The following GTF3C2 variants were observed in gnomAD, a reference collection of about 807,000 sequenced individuals.
GTF3C2 encodes the protein general transcription factor 3C polypeptide 2.
GTF3C2 carries 17 observed loss-of-function variants against 117.4 expected under a neutral mutation model. That is an observed-to-expected ratio of 0.14 (90% confidence interval 0.10 to 0.22). The LOEUF (loss-of-function observed/expected upper bound fraction) is 0.22. GTF3C2 is among the 10% of genes least tolerant of loss of function. GTF3C2 has a pLI of 1.00. For missense variants in GTF3C2, 888 were observed against 1,143.6 expected (o/e 0.78, Z 3.22); for synonymous variants, 437 against 427.0 (o/e 1.02, Z -0.29).
chr2:27,326,729 G>C lies in GTF3C2; in HGVS notation c.2682C>G (p.Pro894=), dbSNP rs377223288. Residue 894 remains proline, a synonymous_variant, in exon 19 of 19, where the codon CCC becomes CCG. Coordinates refer to ENST00000264720, the Ensembl canonical transcript of GTF3C2. Reference sequence around the variant, plus strand: ...TTGGAGAGAAGCCAGGCCGTCTAGTGGGGGAGGATGGTTGGAACATAGCAT... The same window carrying C: ...TTGGAGAGAAGCCAGGCCGTCTAGTCGGGGAGGATGGTTGGAACATAGCAT... The C allele has an allele frequency of 6.8e-5, 110 of 1,614,076 alleles. 1 individual carries two copies. In the African/African-American group the frequency reaches 1.1e-3, roughly 17 times the overall value.
At chr2:27,326,930 T>C (rs778420883) in intron 18 of GTF3C2, 37 bp from the exon 19 acceptor site, 3 of 1,377,936 alleles carry the variant, frequency 2.2e-6, no homozygotes, top group Non-Finnish European at 3.1e-6. Flanking sequence ...GAGATGCTCA[T>C]GGGTGGTGCT....
chr2:27,336,595 T>C (rs749507458), intron 7 of GTF3C2, 170 bp from the exon 8 acceptor site: 88 of 583,360 alleles, frequency 1.5e-4, no homozygotes, highest in Admixed American at 9.4e-4. Flanking sequence ...ATCTTCCTCC[T>C]TTCCTTCCCA....
In GTF3C2 at chr2:27,329,608, T is replaced by C; in HGVS notation, c.1733-85A>G. Reference sequence around the variant, plus strand: ...TTCTTTCTCTGGGCTCCTAGGACCTTTGTCTTCTACCCTCAGATCCAAACC... The same window carrying C: ...TTCTTTCTCTGGGCTCCTAGGACCTCTGTCTTCTACCCTCAGATCCAAACC... On this transcript the variant is annotated intron_variant, in intron 12 of 18. Coordinates refer to ENST00000264720, the Ensembl canonical transcript of GTF3C2. This position sits in a 1 kb window ranked among gnomAD's most constrained non-coding sequence, Gnocchi z 4.5. The C allele has an allele frequency of 8.3e-6, 11 of 1,328,608 alleles. No individual in the cohort carries two copies. The highest frequency in any genetic ancestry group is 1.3e-5 in the South Asian group (1 of 76,780). The allele number at this position is 1,328,608 out of a possible 1,614,324, so 82.3% of individuals were successfully genotyped here.
At chr2:27,328,638 C>T in intron 15 of GTF3C2, 42 bp from the exon 16 acceptor site, 1 of 1,551,352 alleles carries the variant, frequency 6.4e-7, no homozygotes, top group Non-Finnish European at 8.9e-7. Context: ...TATATTCATT[C>T]AGAGCTATGA....
Position 27,343,391 on chromosome 2 carries a change from G to A in GTF3C2, c.164C>T (p.Thr55Ile), listed in dbSNP as rs138676594. The change falls in exon 2 of 19, where the codon ACC becomes ATC. Residue 55 changes from threonine to isoleucine, a missense_variant. By Grantham distance (89) the Thr-to-Ile change is moderately conservative. This residue lies in a region of GTF3C2 where 393 missense variants were observed against 401.5 expected (regional missense o/e 0.98). Coordinates refer to ENST00000264720, the Ensembl canonical transcript of GTF3C2. Reference sequence around the variant, plus strand: ...AGAATCCTCAAATCCAGGCAAAGGGGTAGGTAATGACATCTCTACGGAAGC... The same window carrying A: ...AGAATCCTCAAATCCAGGCAAAGGGATAGGTAATGACATCTCTACGGAAGC... 3.2e-5 allele frequency: 52 copies of A among 1,613,664 alleles called. 1 individual carries two copies. The Middle Eastern group carries it at 9.9e-4, about 31-fold the overall frequency.
At chr2:27,343,559 AC>A (rs757458549) in exon 2 of GTF3C2, 2 of 1,613,552 alleles carry the variant, frequency 1.2e-6, no homozygotes, top group East Asian at 2.2e-5. Flanking sequence ...ATCCATCAGC[AC>A]CCCCCAAAAT....
intron 5 of GTF3C2, 129 bp from the exon 6 acceptor site, chr2:27,337,687 T>A (rs1680542116): frequency 1.3e-6 from 1 of 749,252 alleles, no homozygotes; most frequent in Non-Finnish European, 2.4e-6. Context: ...TAGCTCCAAT[T>A]AGCTACCAAG....
intron 10 of GTF3C2, among the ~76,000 whole-genome samples, chr2:27,334,941 G>C (rs1274515454): frequency 2.6e-5 from 4 of 152,070 alleles, no homozygotes; most frequent in African/African-American, 9.7e-5. Flanking sequence ...ACCATGCCCA[G>C]CCCCACAGCC....
At chr2:27,346,866 T>C (rs1680935552) in intron 1 of GTF3C2, among the ~76,000 whole-genome samples, 1 of 151,962 alleles carries the variant, frequency 6.6e-6, no homozygotes. Context: ...AGATACGTTT[T>C]TAATTTTTTT....
intron 1 of GTF3C2, chr2:27,350,296 G>A (rs182031487): frequency 6.4e-6 from 3 of 467,966 alleles, no homozygotes; most frequent in Admixed American, 6.4e-5. Flanking sequence ...CAAATTCCTA[G>A]TTCTACCCCA....
rs989507471 is a variant in GTF3C2, at chr2:27,327,121, C to A, written c.2517+56G>T. 1.6e-5 allele frequency: 16 copies of A among 971,424 alleles called. No homozygotes were observed. The East Asian group carries it at 3.8e-4, about 23-fold the overall frequency. 60.2% of individuals were successfully genotyped at this position (971,424 alleles called of 1,614,324 possible). On this transcript the variant is annotated intron_variant, in intron 18 of 18. Coordinates refer to ENST00000264720, the Ensembl canonical transcript of GTF3C2. ...CTTTTCATCTACCATTTCATCAGCC[C>A]CAGGCCCAGAACTGGGGGGAAATGA...
chr2:27,339,334 G>A (rs1206131013), intron 4 of GTF3C2, among the ~76,000 whole-genome samples: 1 of 150,764 alleles, frequency 6.6e-6, no homozygotes, highest in Non-Finnish European at 1.5e-5. Context: ...TTGAACCCGG[G>A]AGGGGTGGAG....
intron 3 of GTF3C2, chr2:27,342,581 G>A (rs907547130): frequency 8.9e-6 from 5 of 559,970 alleles, no homozygotes; most frequent in African/African-American, 1.9e-5. Context: ...ATAAAGAGCT[G>A]GGTAAAGTTT....
chr2:27,349,439 G>A (rs570071496), intron 1 of GTF3C2, among the ~76,000 whole-genome samples: 108 of 152,154 alleles, frequency 7.1e-4, no homozygotes, highest in Non-Finnish European at 1.0e-3. Flanking sequence ...GAGCCACTGC[G>A]CCCAGCCCTG....
intron 12 of GTF3C2, among the ~76,000 whole-genome samples, chr2:27,333,378 C>T (rs965408819): frequency 1.2e-4 from 18 of 151,696 alleles, no homozygotes; most frequent in African/African-American, 4.1e-4. Flanking sequence ...TGGTCTTGAA[C>T]TCCTGACCTC....
At chr2:27,356,107 AG>A in intron 1 of GTF3C2, 1 of 1,289,252 alleles carries the variant, frequency 7.8e-7, no homozygotes, top group Non-Finnish European at 1.0e-6. Flanking sequence ...CCTCCAACAA[AG>A]TGAGTTGCCT....
intron 1 of GTF3C2, among the ~76,000 whole-genome samples, chr2:27,343,788 G>C (rs1680827198): frequency 6.6e-6 from 1 of 152,144 alleles, no homozygotes; most frequent in South Asian, 2.1e-4. Context: ...GCTCACACCT[G>C]TAATCCCAGC....
At chr2:27,350,436 A>G in intron 1 of GTF3C2, 1 of 985,532 alleles carries the variant, frequency 1.0e-6, no homozygotes, top group Non-Finnish European at 1.2e-6. Flanking sequence ...GGGTTGAGGG[A>G]AAAACAGTTG....
At chr2:27,338,772 A>T (rs1429711708) in intron 4 of GTF3C2, among the ~76,000 whole-genome samples, 1 of 151,902 alleles carries the variant, frequency 6.6e-6, no homozygotes, top group Non-Finnish European at 1.5e-5. Context: ...TCCTGGGCTC[A>T]AGCGATCCCT....
Sources: allele counts gnomAD v4.1 joint callset (sites outside exome capture counted in the v4.1 genomes callset), GRCh38; gene constraint gnomAD v4.1.1; regional missense constraint gnomAD v4.1.1; non-coding constraint Gnocchi (gnomAD v3.1); transcripts MANE v1.5; gene names NCBI Gene and HGNC (gene_info 2026-07-23, HGNC 2026-07-21).